The following CSMD1 variants were observed in gnomAD, a reference collection of about 807,000 sequenced individuals.
CSMD1 encodes CUB and sushi domain-containing protein 1.
A neutral mutation model predicts 417.5 loss-of-function variants in CSMD1; 213 were observed. The observed-to-expected ratio is 0.51, with a 90% confidence interval of 0.46 to 0.57. CSMD1 has a LOEUF of 0.57. Ranked by LOEUF, CSMD1 falls within the 20% of genes least tolerant of loss-of-function variation. The pLI, the probability that CSMD1 is intolerant of heterozygous loss-of-function variation, is 0.00. For synonymous variants in CSMD1, 2,862 were observed against 1,736.8 expected (o/e 1.65, Z -16.11); for missense variants, 6,923 against 4,529.7 (o/e 1.53, Z -15.17).
In CSMD1 at chr8:4,219,146, G is replaced by A. The variant is rs541766924; in HGVS notation, c.416-187047C>T. On this transcript the variant is annotated intron_variant, in intron 3 of 69. Transcript: ENST00000635120. ...GCCTCCTTTCATCTGTGCCCTTTTT[G>A]TAGCACCTGGTGTTGTGTTCCCATC... Among the ~76,000 whole-genome samples, 88 of 152,178 alleles carry A rather than the reference G, an allele frequency of 5.8e-4. 1 individual carries two copies. The highest frequency in any genetic ancestry group is 2.0e-3 in the African/African-American group (82 of 41,502).
chr8:4,621,648 AGAG>A (rs1801786354), intron 2 of CSMD1, among the ~76,000 whole-genome samples: 1 of 152,118 alleles, frequency 6.6e-6, no homozygotes. Flanking sequence ...TTTTAGAAAC[AGAG>A]GAGAAAACAG....
intron 2 of CSMD1, among the ~76,000 whole-genome samples, chr8:4,421,042 T>A (rs1448547420): frequency 6.6e-6 from 1 of 152,152 alleles, no homozygotes. Flanking sequence ...TCAGTCCCCT[T>A]AAAGAGACTC....
At chr8:3,906,336 A>G (rs1204955550) in intron 5 of CSMD1, among the ~76,000 whole-genome samples, 1 of 152,200 alleles carries the variant, frequency 6.6e-6, no homozygotes, top group Admixed American at 6.5e-5. Context: ...GTACTAATTC[A>G]AAATCCCAAG....
chr8:3,380,078 G>T (rs542346203), intron 18 of CSMD1, among the ~76,000 whole-genome samples: 1 of 152,266 alleles, frequency 6.6e-6, no homozygotes, highest in African/African-American at 2.4e-5. Flanking sequence ...AGTGGGTGAA[G>T]GATATGAACA....
chr8:3,143,765 T>C (rs2129032356), intron 40 of CSMD1, among the ~76,000 whole-genome samples: 1 of 152,340 alleles, frequency 6.6e-6, no homozygotes, highest in Non-Finnish European at 1.5e-5. Context: ...AAAAAATTTT[T>C]GCATCTAATA....
chr8:4,829,798 A>G (rs1800043299), intron 1 of CSMD1, among the ~76,000 whole-genome samples: 1 of 151,734 alleles, frequency 6.6e-6, no homozygotes, highest in African/African-American at 2.4e-5. Context: ...CACCTAGTTA[A>G]TGGTCTAAAG....
At chr8:4,130,904 G>T (rs1803062075) in intron 3 of CSMD1, among the ~76,000 whole-genome samples, 1 of 151,672 alleles carries the variant, frequency 6.6e-6, no homozygotes, top group Non-Finnish European at 1.5e-5. Flanking sequence ...ACAATGCATT[G>T]GATGGACGGA....
At chr8:3,094,126 G>C (rs961789558) in intron 47 of CSMD1, among the ~76,000 whole-genome samples, 3 of 150,366 alleles carry the variant, frequency 2.0e-5, no homozygotes, top group Non-Finnish European at 4.4e-5. Flanking sequence ...TATTTTTTGA[G>C]ACAGAGTTTT....
chr8:3,287,195 G>T (rs1417686995), intron 25 of CSMD1, among the ~76,000 whole-genome samples: 2 of 148,160 alleles, frequency 1.3e-5, no homozygotes, highest in African/African-American at 2.5e-5. Flanking sequence ...CTCTGTTTTG[G>T]TTACTGTAGC....
chr8:4,977,182 TTC>T (rs1355121567), intron 1 of CSMD1, among the ~76,000 whole-genome samples: 1 of 152,178 alleles, frequency 6.6e-6, no homozygotes, highest in African/African-American at 2.4e-5. Flanking sequence ...GTTAACTATT[TTC>T]TGTTTATATT....
chr8:3,825,400 G>A (rs751908042), intron 5 of CSMD1, among the ~76,000 whole-genome samples: 23 of 152,164 alleles, frequency 1.5e-4, no homozygotes, highest in African/African-American at 4.1e-4. Flanking sequence ...GTGGTGGTAG[G>A]CACCTGTAAT....
intron 3 of CSMD1, among the ~76,000 whole-genome samples, chr8:4,249,526 G>A (rs1011244599): frequency 6.6e-5 from 10 of 152,166 alleles, no homozygotes; most frequent in Admixed American, 6.5e-5. Flanking sequence ...CTCTACTGAC[G>A]TGCACTGTGA....
At chr8:3,986,086 T>A (rs1814299583) in intron 5 of CSMD1, among the ~76,000 whole-genome samples, 1 of 152,042 alleles carries the variant, frequency 6.6e-6, no homozygotes. Flanking sequence ...AAATCAAGGA[T>A]CTCGTTCGTA....
At chr8:2,959,692 A>C (rs1232511587) in intron 62 of CSMD1, among the ~76,000 whole-genome samples, 1 of 152,198 alleles carries the variant, frequency 6.6e-6, no homozygotes, top group Non-Finnish European at 1.5e-5. Context: ...AACATAGCCT[A>C]ACACAGGGAC....
At chr8:4,724,434 C>G (rs532957598) in intron 1 of CSMD1, among the ~76,000 whole-genome samples, 1 of 151,726 alleles carries the variant, frequency 6.6e-6, no homozygotes, top group African/African-American at 2.4e-5. Flanking sequence ...ATACAAATAA[C>G]AGATTCAAAT....
At chr8:3,004,939 G>T (rs1346902848) in intron 52 of CSMD1, among the ~76,000 whole-genome samples, 1 of 152,166 alleles carries the variant, frequency 6.6e-6, no homozygotes, top group East Asian at 1.9e-4. Context: ...AGGAGTTCGA[G>T]ACCAGCCTGG....
chr8:2,936,795 C>G lies in CSMD1; in HGVS notation c.*1790G>C, dbSNP rs777918612. The G allele has an allele frequency of 6.6e-6, 1 of 152,146 alleles. No individual in the cohort carries two copies. The highest frequency in any genetic ancestry group is 2.4e-5 in the African/African-American group (1 of 41,466). 9.4% of individuals were successfully genotyped at this position (152,146 alleles called of 1,614,324 possible). On this transcript the variant is annotated 3_prime_UTR_variant, in exon 70 of 70. Transcript: ENST00000635120. Reference sequence around the variant, plus strand: ...ACTCTCCAAAGAATGCCCCATTTTCCTGACTGCTTTTCCTTTTCCACATTT... The same window carrying G: ...ACTCTCCAAAGAATGCCCCATTTTCGTGACTGCTTTTCCTTTTCCACATTT...
chr8:4,087,392 C>G (rs1167078551), intron 3 of CSMD1, among the ~76,000 whole-genome samples: 8 of 152,334 alleles, frequency 5.3e-5, no homozygotes, highest in Admixed American at 3.3e-4. Flanking sequence ...ACACACATAG[C>G]TGTTCTTGCA....
At chr8:4,993,378 T>G (rs943006583) in intron 1 of CSMD1, among the ~76,000 whole-genome samples, 61 of 100,006 alleles carry the variant, frequency 6.1e-4, no homozygotes, top group African/African-American at 1.7e-3. Flanking sequence ...CCAATCAGTA[T>G]TCTCTCTCTC....
Sources: gnomAD v4.1 joint callset for allele counts (sites outside exome capture counted in the v4.1 genomes callset) on GRCh38, gnomAD v4.1.1 for gene constraint, MANE v1.5 for transcripts, NCBI Gene and HGNC (gene_info 2026-07-23, HGNC 2026-07-21) for gene names.